COL6A1: variants seen among roughly 807,000 people sequenced by gnomAD.
COL6A1 encodes collagen type VI alpha 1 chain.
COL6A1 carries 80 observed loss-of-function variants against 145.6 expected under a neutral mutation model. The observed-to-expected ratio is 0.55, with a 90% CI of 0.46 to 0.66. COL6A1 has a LOEUF of 0.66. Ranked by LOEUF, COL6A1 falls within the 30% of genes least tolerant of loss-of-function variation. The pLI, the probability that COL6A1 is intolerant of heterozygous loss-of-function variation, is 0.00. For missense variants in COL6A1, 1,364 were observed against 1,473.8 expected, an observed-to-expected ratio of 0.93 and a Z score of 1.22; for synonymous variants, 638 against 622.8, an observed-to-expected ratio of 1.02 and a Z score of -0.36.
chr21:45,990,421 A>T lies in COL6A1; in HGVS notation c.1001A>T (p.Lys334Met). Residue 334 changes from lysine (K) to methionine (M), a missense_variant and splice_region_variant, in exon 13 of 35, where the codon AAG (lysine) becomes ATG (methionine). Transcript: ENST00000361866. ...KRGIDGVDGVKGEMGYPGLPG... is the reference protein window; with the variant it reads ...KRGIDGVDGVMGEMGYPGLPG... The stretch of plus-strand genomic sequence containing the variant: ...GGCATCGACGGGGTGGACGGCGTGA[A>T]GGTGACTGGGGGGAGATAGGATGGA... The T allele has an allele frequency of 8.8e-7, 1 of 1,133,800 alleles. No individual in the cohort carries two copies. The highest frequency in any genetic ancestry group is 1.1e-6 in the Non-Finnish European group (1 of 903,486). The allele number at this position is 1,133,800 out of a possible 1,614,324, so 70.2% of individuals were successfully genotyped here.
At chr21:46,000,194 C>A in intron 27 of COL6A1, 137 bp from the exon 28 acceptor site, 1 of 945,296 alleles carries the variant, frequency 1.1e-6, no homozygotes. Flanking sequence ...CAGAGCCGGG[C>A]ACACCTGCAA....
rs1569518119 is a variant in COL6A1, at chr21:45,989,653, G to T, written c.903+1G>T. On this transcript the variant is annotated splice_donor_variant, in intron 10 of 34. Transcript: ENST00000361866. LOFTEE classifies it high-confidence loss of function. ...ACCTGTTGGGTACCAGGGAATGAAG[G>T]TACGTGCCCCCCCTTTCCTGGCCCG... 1 of 1,613,148 alleles carries T rather than the reference G, an allele frequency of 6.2e-7. No homozygotes were observed.
At chr21:45,983,979 C>G (rs912676753) in intron 2 of COL6A1, among the ~76,000 whole-genome samples, 1 of 152,210 alleles carries the variant, frequency 6.6e-6, no homozygotes, top group Non-Finnish European at 1.5e-5. Flanking sequence ...CCTTCCCCCA[C>G]TGTCATGCTG....
At chr21:45,999,020 T>C (rs1358151438) in intron 25 of COL6A1, 61 bp downstream of exon 25, 1 of 1,548,060 alleles carries the variant, frequency 6.5e-7, no homozygotes, top group East Asian at 2.4e-5. Flanking sequence ...GGCTGGGCCC[T>C]TGAAGGGCAG....
chr21:45,992,316 A>G (rs1024321035), intron 17 of COL6A1, 47 bp from the exon 18 acceptor site: 1 of 1,613,578 alleles, frequency 6.2e-7, no homozygotes, highest in African/African-American at 1.3e-5. Flanking sequence ...GACCAAATGC[A>G]GTGTGTCCAC....
chr21:45,999,354 G>C, intron 26 of COL6A1, 136 bp downstream of exon 26: 2 of 944,598 alleles, frequency 2.1e-6, no homozygotes, highest in Non-Finnish European at 3.3e-6. Flanking sequence ...CATCTGGGAG[G>C]CCCTGGGGGT....
intron 19 of COL6A1, among the ~76,000 whole-genome samples, chr21:45,993,910 T>TGCACGCAGGGAC (rs1231422598): frequency 6.6e-6 from 1 of 152,162 alleles, no homozygotes; most frequent in African/African-American, 2.4e-5. Context: ...GAAGCAGGGA[T>TGCACGCAGGGAC]GCACGCAGGG....
In COL6A1 at chr21:45,994,443, G is replaced by A. The variant is rs907636702; in HGVS notation, c.1398+214G>A. Among the ~76,000 whole-genome samples, 3 of 152,048 alleles carry A rather than the reference G, an allele frequency of 2.0e-5. No individual in the cohort carries two copies. Among genetic ancestry groups the A allele is most frequent in the Non-Finnish European group, 2.9e-5 (2 of 67,986 alleles). ...GTGGATTGTTGAGAGCAGGCCCAGC[G>A]CCCGGGGGCCTGACGCTGAGACGCT... On this transcript the variant is annotated intron_variant, in intron 20 of 34. Transcript: ENST00000361866. The surrounding 1 kb of genome is among the most constrained non-coding windows in gnomAD (Gnocchi z 6.8).
intron 19 of COL6A1, among the ~76,000 whole-genome samples, chr21:45,993,588 A>T (rs888269365): frequency 6.6e-6 from 1 of 152,106 alleles, no homozygotes; most frequent in Non-Finnish European, 1.5e-5. Context: ...AGGGCCAGAG[A>T]GCTGAGCCGG....
At position 46,001,379 on chromosome 21, in the gene COL6A1, T is replaced by A. The variant is rs1280733326; in HGVS notation, c.1949T>A (p.Leu650Gln). 2 of 1,611,238 alleles carry A rather than the reference T, an allele frequency of 1.2e-6. No homozygotes were observed. Among genetic ancestry groups the A allele is most frequent in the Non-Finnish European group, 1.7e-6 (2 of 1,179,836 alleles). The change falls in exon 30 of 35, where the codon CTG (leucine) becomes CAG (glutamine). Residue 650 changes from leucine (L) to glutamine (Q), a missense_variant. Physicochemically the swap from Leu to Gln is moderately radical, Grantham distance 113. Around this residue, in one of 3 missense-constraint regions of COL6A1, gnomAD observed 938 missense variants for 1,003.8 expected, o/e 0.93. Coordinates refer to ENST00000361866, the MANE Select transcript of COL6A1 (RefSeq NM_001848.3). The stretch of plus-strand genomic sequence containing the variant: ...ATCGACCGGCTGAGCCGGGACGAGC[T>A]GGTCAAGGTGAGGCCTCGCCCCGCC... ...KVIDRLSRDE[L>Q]VKFEPGQSYA... is the part of the protein sequence containing the mutation.
In COL6A1 at chr21:45,982,711, G is replaced by A. The variant is rs2077715096; in HGVS notation, c.175G>A (p.Val59Met). 1 of 1,612,780 alleles carries A rather than the reference G, an allele frequency of 6.2e-7. No homozygotes were observed. Among genetic ancestry groups the A allele is most frequent in the Non-Finnish European group, 8.5e-7 (1 of 1,179,974 alleles). Reference protein sequence around the residue: ...ALRLKPYGALVDKVKSFTKRF... With the variant: ...ALRLKPYGALMDKVKSFTKRF... ...GAGGCTGAAGCCCTACGGGGCCCTC[G>A]TGGACAAAGTCAAGTCCTTCACCAA... The change falls in exon 2 of 35, where the codon GTG becomes ATG. Residue 59 changes from valine (V) to methionine (M), a missense_variant. Physicochemically the swap from Val to Met is conservative, Grantham distance 21. This residue lies in a region of COL6A1 where 414 missense variants were observed against 437.6 expected (regional missense o/e 0.95). Transcript: ENST00000361866.
rs766763701 is a variant in COL6A1 at position 45,994,277 on chromosome 21, G to A, written c.1398+48G>A. On this transcript the variant is annotated intron_variant, in intron 20 of 34. Coordinates refer to ENST00000361866, the MANE Select transcript of COL6A1 (RefSeq NM_001848.3). This position sits in a 1 kb window ranked among gnomAD's most constrained non-coding sequence, Gnocchi z 6.8. ...GGGGCGTTGGCCAATTTGGGTTTTG[G>A]GGGTAGAAGTGCTCCAGCAGCTCAC... is the stretch of plus-strand genomic sequence containing the variant. The A allele has an allele frequency of 1.9e-6, 3 of 1,562,760 alleles. No individual in the cohort carries two copies. Among genetic ancestry groups the A allele is most frequent in the South Asian group, 1.2e-5 (1 of 86,464 alleles).
At chr21:45,996,604 C>G (rs1462038006) in intron 20 of COL6A1, among the ~76,000 whole-genome samples, 2 of 152,196 alleles carry the variant, frequency 1.3e-5, no homozygotes, top group African/African-American at 4.8e-5. Context: ...CAGGGACAGG[C>G]GTCCGACCAG....
chr21:46,003,296 G>T, intron 34 of COL6A1, 95 bp from the exon 35 acceptor site: 1 of 1,602,752 alleles, frequency 6.2e-7, no homozygotes, highest in East Asian at 2.2e-5. Flanking sequence ...CCACCGTGCC[G>T]TGCCCTCTCT....
In COL6A1 at chr21:45,990,304, A is replaced by T. The variant is rs1227325683; in HGVS notation, c.957+20A>T. ...TACAAGGTGAGCGTGGGCTGCTGGG[A>T]GGGGGGAGTTCTGCCCCCACGGCAG... On this transcript the variant is annotated intron_variant, in intron 12 of 34. Transcript: ENST00000361866. The T allele has an allele frequency of 1.2e-6, 2 of 1,612,074 alleles. No individual in the cohort carries two copies. The highest frequency in any genetic ancestry group is 4.5e-5 in the East Asian group (2 of 44,776).
intron 11 of COL6A1, 79 bp from the exon 12 acceptor site, chr21:45,990,179 C>T (rs984938455): frequency 2.3e-5 from 36 of 1,568,050 alleles, no homozygotes; most frequent in Non-Finnish European, 3.1e-5. Context: ...CAAGCCCCTG[C>T]CTCGCGTGGG....
In COL6A1 at chr21:46,004,808, C is replaced by T. The variant is rs1026882796; in HGVS notation, c.*795C>T. 49 of 353,466 alleles carry T rather than the reference C, an allele frequency of 1.4e-4. No individual in the cohort carries two copies. The highest frequency in any genetic ancestry group is 6.7e-4 in the Admixed American group (22 of 32,832). The allele number at this position is 353,466 out of a possible 1,614,324, so 21.9% of individuals were successfully genotyped here. A position where few individuals can be genotyped will look rare whatever the true frequency, so the allele number is the denominator to read the frequency against. ...GACCCTCGAGATTAACGGTGCTAAC[C>T]CCGTCTGCTCCTCCCTCCCGCAGAG... On this transcript the variant is annotated 3_prime_UTR_variant, in exon 35 of 35. Coordinates refer to ENST00000361866, the MANE Select transcript of COL6A1 (RefSeq NM_001848.3).
rs1164539380 is a variant in COL6A1 at position 46,002,696 on chromosome 21, C to T, written c.2420C>T (p.Ala807Val). 3 of 1,612,642 alleles carry T rather than the reference C, an allele frequency of 1.9e-6. No homozygotes were observed. The highest frequency in any genetic ancestry group is 1.1e-5 in the South Asian group (1 of 90,970). ...GATGCCTTCCTGAAGAATGTCACCG[C>T]CCAGATCTGCATAGGTGCGCATGGG... ...LEDAFLKNVT[A>V]QICIDKKCPD... is the part of the protein sequence containing the mutation. Residue 807 changes from alanine (A) to valine (V), a missense_variant, in exon 33 of 35, where the codon GCC (alanine) becomes GTC (valine). Transcript: ENST00000361866.
intron 22 of COL6A1, 117 bp downstream of exon 22, chr21:45,997,879 C>A: frequency 1.6e-6 from 2 of 1,217,814 alleles, no homozygotes; most frequent in Non-Finnish European, 2.3e-6. Context: ...GGAGTGCCCG[C>A]AGCATCACTG....
Sources: allele counts gnomAD v4.1 joint callset (sites outside exome capture counted in the v4.1 genomes callset), GRCh38; gene constraint gnomAD v4.1.1; regional missense constraint gnomAD v4.1.1; non-coding constraint Gnocchi (gnomAD v3.1); transcripts MANE v1.5; gene names NCBI Gene and HGNC (gene_info 2026-07-23, HGNC 2026-07-21).